Variants in PHTF2 observed in about 807,000 individuals in gnomAD.
PHTF2 encodes protein PHTF2.
PHTF2 carries 60 observed loss-of-function variants against 101.2 expected under a neutral mutation model. The ratio of observed to expected loss-of-function variants is 0.59; its 90% CI spans 0.48 to 0.73. The LOEUF is 0.73. Ranked by LOEUF, PHTF2 falls within the 30% of genes least tolerant of loss-of-function variation. The probability of loss-of-function intolerance (pLI) is 0.00; values close to 1 mark genes in which losing one functional copy is unlikely to be tolerated. For synonymous variants in PHTF2, 311 were observed against 307.3 expected (o/e 1.01, Z -0.13); for missense variants, 747 against 908.7 (o/e 0.82, Z 2.29).
chr7:77,940,013 C>A lies in PHTF2; in HGVS notation c.1468-17C>A. 3 of 1,568,436 alleles carry A rather than the reference C, an allele frequency of 1.9e-6. No homozygotes were observed. Among genetic ancestry groups the A allele is most frequent in the South Asian group, 2.4e-5 (2 of 84,102 alleles). ...ATTTTATTTTTCTTTTCTCTCTCTT[C>A]CCCTGGCTCCCTCAAGGTGAACAGC... On this transcript the variant is annotated splice_polypyrimidine_tract_variant and intron_variant, in intron 13 of 19. Transcript: ENST00000416283.
chr7:77,869,527 A>G (rs1798351538), intron 3 of PHTF2, among the ~76,000 whole-genome samples: 1 of 152,178 alleles, frequency 6.6e-6, no homozygotes, highest in East Asian at 1.9e-4. Context: ...TATTTCATTT[A>G]ACATAATGAC....
chr7:77,937,926 C>T, intron 13 of PHTF2, 88 bp downstream of exon 12: 1 of 555,752 alleles, frequency 1.8e-6, no homozygotes, highest in Non-Finnish European at 2.8e-6. Flanking sequence ...TATTAGTAAC[C>T]TTCTGACCTC....
chr7:77,925,518 T>TTTTTTTTTTTTGTTTTG (rs1803897407), intron 11 of PHTF2, among the ~76,000 whole-genome samples: 4 of 133,344 alleles, frequency 3.0e-5, no homozygotes, highest in African/African-American at 1.2e-4. Context: ...TTTTTTTTTT[T>TTTTTTTTTTTTGTTTTG]TTTTTTTTGA....
At chr7:77,831,953 TTC>T (rs1207119892) in intron 1 of PHTF2, among the ~76,000 whole-genome samples, 2 of 152,188 alleles carry the variant, frequency 1.3e-5, no homozygotes, top group Non-Finnish European at 2.9e-5. Flanking sequence ...CACACACAGC[TTC>T]TCTTATATGC....
At chr7:77,946,804 A>T (rs931626701) in intron 16 of PHTF2, among the ~76,000 whole-genome samples, 7 of 152,216 alleles carry the variant, frequency 4.6e-5, no homozygotes, top group Non-Finnish European at 8.8e-5. Context: ...GACATCTGTT[A>T]TATACAGAAA....
intron 1 of PHTF2, among the ~76,000 whole-genome samples, chr7:77,803,528 T>A (rs1792728418): frequency 6.6e-6 from 1 of 152,330 alleles, no homozygotes; most frequent in Middle Eastern, 3.4e-3. Flanking sequence ...TATGTAATAT[T>A]TTTGAGGTTC....
At chr7:77,880,608 C>T (rs6953416) in intron 3 of PHTF2, among the ~76,000 whole-genome samples, 1 of 151,940 alleles carries the variant, frequency 6.6e-6, no homozygotes, top group African/African-American at 2.4e-5. Flanking sequence ...ACTCTCCTCA[C>T]CCCCACAACG....
intron 7 of PHTF2, among the ~76,000 whole-genome samples, chr7:77,903,819 A>G (rs994763863): frequency 1.3e-5 from 2 of 152,240 alleles, no homozygotes; most frequent in Non-Finnish European, 2.9e-5. Context: ...CACCCTGTGG[A>G]AAAGCAGGGT....
chr7:77,945,688 C>A (rs972977248), intron 16 of PHTF2, among the ~76,000 whole-genome samples: 1 of 151,834 alleles, frequency 6.6e-6, no homozygotes, highest in Non-Finnish European at 1.5e-5. Context: ...TTTTAAGATA[C>A]TAGTATGAAG....
At chr7:77,832,313 AGCTGGT>A (rs1795134747) in intron 1 of PHTF2, among the ~76,000 whole-genome samples, 1 of 152,182 alleles carries the variant, frequency 6.6e-6, no homozygotes, top group Non-Finnish European at 1.5e-5. Flanking sequence ...TCTTTCTCCC[AGCTGGT>A]GCATGATCAC....
At chr7:77,822,153 G>T (rs1794342532) in intron 1 of PHTF2, among the ~76,000 whole-genome samples, 1 of 152,218 alleles carries the variant, frequency 6.6e-6, no homozygotes, top group Non-Finnish European at 1.5e-5. Flanking sequence ...GGGAGTGCCA[G>T]ACTGTTCCTC....
chr7:77,869,507 A>C (rs556614938), intron 3 of PHTF2, among the ~76,000 whole-genome samples: 3 of 152,228 alleles, frequency 2.0e-5, no homozygotes, highest in African/African-American at 7.2e-5. Context: ...TTGTCTTTCT[A>C]TGACTGGCTT....
chr7:77,937,439 C>T (rs1474131243), intron 12 of PHTF2, among the ~76,000 whole-genome samples: 2 of 152,122 alleles, frequency 1.3e-5, no homozygotes, highest in Non-Finnish European at 2.9e-5. Context: ...AGTTTCATAA[C>T]CATGTAACTT....
chr7:77,861,575 G>A (rs1049072375), intron 3 of PHTF2, among the ~76,000 whole-genome samples: 1 of 152,040 alleles, frequency 6.6e-6, no homozygotes, highest in Non-Finnish European at 1.5e-5. Context: ...GTCCTTTATT[G>A]TGAGTTCTCA....
At chr7:77,804,943 A>G (rs1415410324) in intron 1 of PHTF2, among the ~76,000 whole-genome samples, 1 of 152,250 alleles carries the variant, frequency 6.6e-6, no homozygotes, top group Non-Finnish European at 1.5e-5. Context: ...TATCAAAATT[A>G]TATCCTCAGT....
At chr7:77,852,519 A>T (rs1236285196) in intron 2 of PHTF2, among the ~76,000 whole-genome samples, 9 of 152,102 alleles carry the variant, frequency 5.9e-5, no homozygotes, top group Non-Finnish European at 1.3e-4. Flanking sequence ...TGTTGTTTCT[A>T]TTTATATCTT....
At position 77,824,255 on chromosome 7, in the gene PHTF2, G is replaced by GT. The variant is rs1259890088; in HGVS notation, c.-35-15963dup. On this transcript the variant is annotated intron_variant, in intron 1 of 19. Coordinates refer to ENST00000416283, the Ensembl canonical transcript of PHTF2. ...ATTTGAGGAGGGAAAATACATCCTGGTTTGTTTTTTTTTTTTTTCTTGGAG... is the reference window on the plus strand; with the variant it reads ...ATTTGAGGAGGGAAAATACATCCTGGTTTTGTTTTTTTTTTTTTTCTTGGAG... Among the ~76,000 whole-genome samples the GT allele has an allele frequency of 2.0e-5, 3 of 150,546 alleles. No individual in the cohort carries two copies. The East Asian group carries it at 5.8e-4, about 29-fold the overall frequency.
chr7:77,919,317 T>C (rs1370810221), intron 9 of PHTF2, among the ~76,000 whole-genome samples: 1 of 152,164 alleles, frequency 6.6e-6, no homozygotes, highest in Non-Finnish European at 1.5e-5. Context: ...TAAAAAACTT[T>C]TGGTTTTTGA....
exon 20 of PHTF2, chr7:77,955,654 G>C (rs1806949685): frequency 6.6e-6 from 1 of 152,476 alleles, no homozygotes; most frequent in Non-Finnish European, 1.5e-5. Context: ...TAGTATACTA[G>C]GGCATGATAT....
Sources: gnomAD v4.1 joint callset for allele counts (sites outside exome capture counted in the v4.1 genomes callset) on GRCh38, gnomAD v4.1.1 for gene constraint, MANE v1.5 for transcripts, NCBI Gene and HGNC (gene_info 2026-07-23, HGNC 2026-07-21) for gene names.